The following PLIN5 variants were observed in gnomAD, a reference collection of about 807,000 sequenced individuals.
The protein encoded by PLIN5 is perilipin 5, also known as perilipin-5.
Under a neutral mutation model 32.8 loss-of-function variants are expected in PLIN5, and 34 were observed. That is an observed-to-expected ratio of 1.04 (90% CI 0.79 to 1.38). PLIN5 has a LOEUF of 1.38. Among genes scored for constraint, PLIN5 ranks in the 40% most tolerant of loss-of-function variants. The probability of loss-of-function intolerance (pLI) is 0.00; values close to 1 mark genes in which losing one functional copy is unlikely to be tolerated. For missense variants in PLIN5, 712 were observed against 660.5 expected (o/e 1.08, Z -0.85); for synonymous variants, 309 against 292.9 (o/e 1.05, Z -0.56).
chr19:4,525,602 C>A lies in PLIN5; in HGVS notation c.720+31G>T. On this transcript the variant is annotated intron_variant, in intron 6 of 7. Transcript: ENST00000381848. This position sits in a 1 kb window ranked among gnomAD's most constrained non-coding sequence, Gnocchi z 5.6. Reference sequence around the variant, plus strand: ...TCAATCCATACTGATTGGCCTGCATCCCGGAGCAGGGGCGGGCAGCGGGCT... The same window carrying A: ...TCAATCCATACTGATTGGCCTGCATACCGGAGCAGGGGCGGGCAGCGGGCT... 1 of 1,608,480 alleles carries A rather than the reference C, an allele frequency of 6.2e-7. No homozygotes were observed. Among genetic ancestry groups the A allele is most frequent in the Non-Finnish European group, 8.5e-7 (1 of 1,179,576 alleles).
Position 4,524,062 on chromosome 19 carries a change from C to T in PLIN5, c.858G>A (p.Leu286=), listed in dbSNP as rs1976768641. Residue 286 remains leucine, a synonymous_variant, in exon 8 of 8, where the codon CTG becomes CTA. Coordinates refer to ENST00000381848, the MANE Select transcript of PLIN5 (RefSeq NM_001013706.3). ...RSQAELETLV[L]SRSLTQELQG... ...GCAGCTCCTGGGTCAGGCTGCGGGA[C>T]AGCACCAGCGTCTCCAGCTCTGCCT... The T allele has an allele frequency of 6.9e-7, 1 of 1,455,514 alleles. No homozygotes were observed. The highest frequency in any genetic ancestry group is 1.5e-5 in the African/African-American group (1 of 68,112). 90.2% of individuals were successfully genotyped at this position (1,455,514 alleles called of 1,614,324 possible).
At chr19:4,528,173 T>A (rs982102728) in intron 5 of PLIN5, among the ~76,000 whole-genome samples, 2 of 151,896 alleles carry the variant, frequency 1.3e-5, no homozygotes, top group Non-Finnish European at 1.5e-5. Flanking sequence ...CCCCCCAAAG[T>A]GCTGGGATTA....
Position 4,523,445 on chromosome 19 carries a change from C to G in PLIN5, c.*83G>C, listed in dbSNP as rs910684323. On this transcript the variant is annotated 3_prime_UTR_variant, in exon 8 of 8. Transcript: ENST00000381848. This position sits in a 1 kb window ranked among gnomAD's most constrained non-coding sequence, Gnocchi z 5.0. ...CAAAGAAGGGTCAAGGCCAAGGCCT[C>G]GAGCTTACGTGTGGCCACCAGGGGG... 1 of 1,441,526 alleles carries G rather than the reference C, an allele frequency of 6.9e-7. No individual in the cohort carries two copies. The highest frequency in any genetic ancestry group is 9.3e-7 in the Non-Finnish European group (1 of 1,078,890). The allele number at this position is 1,441,526 out of a possible 1,614,324, so 89.3% of individuals were successfully genotyped here. A position where few individuals can be genotyped will look rare whatever the true frequency, so the allele number is the denominator to read the frequency against.
rs756704608 is a variant in PLIN5, at chr19:4,523,715, C to A, written c.1205G>T (p.Gly402Val). The A allele has an allele frequency of 6.2e-7, 1 of 1,603,038 alleles. No homozygotes were observed. Among genetic ancestry groups the A allele is most frequent in the Admixed American group, 1.7e-5 (1 of 59,942 alleles). Residue 402 changes from glycine to valine, a missense_variant, in exon 8 of 8, where the codon GGC becomes GTC. Coordinates refer to ENST00000381848, the MANE Select transcript of PLIN5 (RefSeq NM_001013706.3). This position sits in a 1 kb window ranked among gnomAD's most constrained non-coding sequence, Gnocchi z 5.0. ...LADLVDEVIGGPDPRWAHLDW... is the reference protein window; with the variant it reads ...LADLVDEVIGVPDPRWAHLDW... Reference sequence around the variant, plus strand: ...CAGGTGCGCCCAGCGGGGGTCAGGGCCCCCGATGACCTCGTCCACCAGGTC... The same window carrying A: ...CAGGTGCGCCCAGCGGGGGTCAGGGACCCCGATGACCTCGTCCACCAGGTC...
chr19:4,529,610 TACACACACACACACACACACACACACAC>T (rs56850019), intron 4 of PLIN5, 146 bp downstream of exon 4: 6 of 432,434 alleles, frequency 1.4e-5, no homozygotes, highest in Non-Finnish European at 2.6e-5. Flanking sequence ...CATATATGTA[TACACACACACACACACACACACACACAC>T]ACACACACAC....
intron 2 of PLIN5, 54 bp from the exon 3 acceptor site, chr19:4,531,876 C>CACCTT (rs950779750): frequency 6.9e-7 from 1 of 1,446,140 alleles, no homozygotes; most frequent in Admixed American, 2.3e-5. Context: ...GCCCTAGCCA[C>CACCTT]ACCTCAACCT....
intron 3 of PLIN5, among the ~76,000 whole-genome samples, chr19:4,530,275 C>T (rs1976867711): frequency 6.6e-6 from 1 of 152,170 alleles, no homozygotes; most frequent in Admixed American, 6.5e-5. Flanking sequence ...GCCACCCACC[C>T]TGTTCTCCCA....
chr19:4,525,992 T>A lies in PLIN5; in HGVS notation c.521-160A>T. ...GGGGTCAGCACAGCCACCCACCCCC[T>A]CCACATCTGCTCACCCACCTCTGGG... On this transcript the variant is annotated intron_variant, in intron 5 of 7. Transcript: ENST00000381848. The surrounding 1 kb of genome is among the most constrained non-coding windows in gnomAD (Gnocchi z 5.6). 1 of 733,120 alleles carries A rather than the reference T, an allele frequency of 1.4e-6. No homozygotes were observed. The allele number at this position is 733,120 out of a possible 1,614,324, so 45.4% of individuals were successfully genotyped here. A position where few individuals can be genotyped will look rare whatever the true frequency, so the allele number is the denominator to read the frequency against.
chr19:4,523,236 T>C lies in PLIN5; in HGVS notation c.*292A>G, dbSNP rs1269717007. On this transcript the variant is annotated 3_prime_UTR_variant, in exon 8 of 8. Transcript: ENST00000381848. The surrounding 1 kb of genome is among the most constrained non-coding windows in gnomAD (Gnocchi z 5.0). ...CACTGTGCCCAGCCTCTTGGAAAGA[T>C]TTGGATTCGCTTCATGGAGCCAGGG... The C allele has an allele frequency of 3.0e-6, 1 of 329,842 alleles. No individual in the cohort carries two copies. The highest frequency in any genetic ancestry group is 5.0e-5 in the Admixed American group (1 of 20,140). The allele number at this position is 329,842 out of a possible 1,614,324, so 20.4% of individuals were successfully genotyped here. A position where few individuals can be genotyped will look rare whatever the true frequency, so the allele number is the denominator to read the frequency against.
chr19:4,522,987 A>G lies in PLIN5; in HGVS notation c.*541T>C, dbSNP rs1411833931. On this transcript the variant is annotated 3_prime_UTR_variant, in exon 8 of 8. Coordinates refer to ENST00000381848, the MANE Select transcript of PLIN5 (RefSeq NM_001013706.3). ...GTGTGCAGTGGCGCGATCTCTGCTC[A>G]CTGCAAGCTCCGCGCCTCTCGGGTT... 6.6e-6 allele frequency: 1 copy of G among 152,100 alleles called. No individual in the cohort carries two copies. Among genetic ancestry groups the G allele is most frequent in the Non-Finnish European group, 1.5e-5 (1 of 68,124 alleles). The allele number at this position is 152,100 out of a possible 1,614,324, so 9.4% of individuals were successfully genotyped here.
rs757047871 is a variant in PLIN5, at chr19:4,525,017, G to C, written c.780C>G (p.His260Gln). The C allele has an allele frequency of 2.7e-6, 4 of 1,504,836 alleles. No individual in the cohort carries two copies. Among genetic ancestry groups the C allele is most frequent in the African/African-American group, 2.9e-5 (2 of 69,518 alleles). 93.2% of individuals were successfully genotyped at this position (1,504,836 alleles called of 1,614,324 possible). The change falls in exon 7 of 8, where the codon CAC (histidine) becomes CAG (glutamine). Residue 260 changes from histidine to glutamine, a missense_variant. Physicochemically the swap from His to Gln is conservative, Grantham distance 24. Coordinates refer to ENST00000381848, the MANE Select transcript of PLIN5 (RefSeq NM_001013706.3). This position sits in a 1 kb window ranked among gnomAD's most constrained non-coding sequence, Gnocchi z 5.6. ...PTAPACPGKV[H>Q]ELWGEWGQRP... ...GCTGGCCCCATTCCCCCCACAGCTC[G>C]TGCACCTTCCCAGGGCAGGCCGGGG... is the stretch of plus-strand genomic sequence containing the variant.
At position 4,531,754 on chromosome 19, in the gene PLIN5, G is replaced by A. The variant is rs1345731963; in HGVS notation, c.129C>T (p.Tyr43=). The A allele has an allele frequency of 2.5e-6, 4 of 1,601,816 alleles. No individual in the cohort carries two copies. In the South Asian group the frequency reaches 3.4e-5, roughly 13 times the overall value. The part of the protein sequence containing the change: ...RATCTAVCDV[Y]SAAKDRHPLL... ...GCGGGTGCCTGTCCTTGGCTGCACT[G>A]TAAACATCGCAGACCGCGGTGCACG... The change falls in exon 3 of 8, where the codon TAC becomes TAT. Residue 43 remains tyrosine, a synonymous_variant. Transcript: ENST00000381848.
chr19:4,524,887 C>G, intron 7 of PLIN5, 76 bp downstream of exon 7: 1 of 1,301,188 alleles, frequency 7.7e-7, no homozygotes. Context: ...TGGGCTGACC[C>G]GCAGTCCGTC....
At position 4,523,621 on chromosome 19, in the gene PLIN5, G is replaced by A. The variant is rs771220480; in HGVS notation, c.1299C>T (p.Asp433=). Residue 433 remains aspartate (D), a synonymous_variant, in exon 8 of 8, where the codon GAC becomes GAT. Transcript: ENST00000381848. The surrounding 1 kb of genome is among the most constrained non-coding windows in gnomAD (Gnocchi z 5.0). The part of the protein sequence containing the change: ...HRDGSGNGDG[D]RMGVAGDICE... Reference sequence around the variant, plus strand: ...AGATGTCCCCGGCAACACCCATCCTGTCCCCATCCCCATTCCCACTCCCGT... The same window carrying A: ...AGATGTCCCCGGCAACACCCATCCTATCCCCATCCCCATTCCCACTCCCGT... 1.2e-6 allele frequency: 2 copies of A among 1,610,556 alleles called. No homozygotes were observed. The highest frequency in any genetic ancestry group is 2.2e-5 in the South Asian group (2 of 90,338).
In PLIN5 at chr19:4,529,251, C is replaced by T. The variant is rs199628672; in HGVS notation, c.342G>A (p.Val114=). The T allele has an allele frequency of 1.2e-4, 198 of 1,598,522 alleles. No homozygotes were observed. In the African/African-American group the frequency reaches 1.9e-3, roughly 16 times the overall value. The change falls in exon 5 of 8, where the codon GTG becomes GTA. Residue 114 remains valine (V), a splice_region_variant and synonymous_variant. Coordinates refer to ENST00000381848, the MANE Select transcript of PLIN5 (RefSeq NM_001013706.3). ...CCACCACGTCCTTGGCTGAGGTCAC[C>T]ACCTGGAAGGAAGGGCCCCCCCACT... is the stretch of plus-strand genomic sequence containing the variant. The part of the protein sequence containing the change: ...LPFLQQPSET[V]VTSAKDVVAS...
chr19:4,525,481 G>T lies in PLIN5; in HGVS notation c.720+152C>A. On this transcript the variant is annotated intron_variant, in intron 6 of 7. Transcript: ENST00000381848. The surrounding 1 kb of genome is among the most constrained non-coding windows in gnomAD (Gnocchi z 5.6). ...GACATCCCTGGGCTCCTCCAGGCCC[G>T]GGTCCCCCAGCCCTGAACACATGCA... is the stretch of plus-strand genomic sequence containing the variant. 1.1e-6 allele frequency: 1 copy of T among 949,710 alleles called. No individual in the cohort carries two copies. Among genetic ancestry groups the T allele is most frequent in the Non-Finnish European group, 1.5e-6 (1 of 651,772 alleles). 58.8% of individuals were successfully genotyped at this position (949,710 alleles called of 1,614,324 possible). A position where few individuals can be genotyped will look rare whatever the true frequency, so the allele number is the denominator to read the frequency against.
intron 7 of PLIN5, 29 bp downstream of exon 7, chr19:4,524,934 C>T (rs1568243148): frequency 6.6e-7 from 1 of 1,516,676 alleles, no homozygotes; most frequent in Admixed American, 2.1e-5. Context: ...TGGCAGACAC[C>T]ACCTCACCTG....
chr19:4,529,926 G>GAC, intron 3 of PLIN5, 60 bp from the exon 4 acceptor site: 3 of 1,104,928 alleles, frequency 2.7e-6, no homozygotes, highest in Non-Finnish European at 4.0e-6. Flanking sequence ...TAGGGACGCA[G>GAC]TGAGAGTTGT....
chr19:4,523,703 C>A lies in PLIN5; in HGVS notation c.1217G>T (p.Arg406Leu), dbSNP rs773565396. 3 of 1,604,424 alleles carry A rather than the reference C, an allele frequency of 1.9e-6. No homozygotes were observed. The highest frequency in any genetic ancestry group is 1.7e-6 in the Non-Finnish European group (2 of 1,179,592). ...GGCCGGCCAGTCCAGGTGCGCCCAG[C>A]GGGGGTCAGGGCCCCCGATGACCTC... ...VDEVIGGPDP[R>L]WAHLDWPAQQ... The change falls in exon 8 of 8, where the codon CGC becomes CTC. Residue 406 changes from arginine to leucine, a missense_variant. Arg to Leu is a moderately radical substitution (Grantham distance 102). Coordinates refer to ENST00000381848, the MANE Select transcript of PLIN5 (RefSeq NM_001013706.3). The surrounding 1 kb of genome is among the most constrained non-coding windows in gnomAD (Gnocchi z 5.0).
Sources: allele counts gnomAD v4.1 joint callset (sites outside exome capture counted in the v4.1 genomes callset), GRCh38; gene constraint gnomAD v4.1.1; non-coding constraint Gnocchi (gnomAD v3.1); transcripts MANE v1.5; gene names NCBI Gene and HGNC (gene_info 2026-07-23, HGNC 2026-07-21).